NRG1: variants seen among roughly 807,000 people sequenced by gnomAD.
NRG1 encodes the protein neuregulin 1.
In NRG1, 18 loss-of-function variants were observed where a neutral mutation model predicts 63.8. The ratio of observed to expected loss-of-function variants is 0.28; its 90% CI spans 0.19 to 0.42. The LOEUF is 0.42. NRG1 is among the 10% of genes least tolerant of loss of function. The pLI, the probability that NRG1 is intolerant of heterozygous loss-of-function variation, is 1.00. For missense variants in NRG1, 762 were observed against 814.7 expected (o/e 0.94, Z 0.79); for synonymous variants, 302 against 301.3 (o/e 1.00, Z -0.02).
At chr8:31,748,515 C>A (rs1310601906) in intron 1 of NRG1, among the ~76,000 whole-genome samples, 1 of 151,866 alleles carries the variant, frequency 6.6e-6, no homozygotes, top group East Asian at 1.9e-4. Context: ...ATTTGGAATG[C>A]GTATAACCAT....
At chr8:31,928,416 A>T (rs2129619716) in intron 1 of NRG1, among the ~76,000 whole-genome samples, 1 of 151,738 alleles carries the variant, frequency 6.6e-6, no homozygotes, top group East Asian at 1.9e-4. Flanking sequence ...AAATTAGTAC[A>T]ATCTCTATGG....
At position 32,560,392 on chromosome 8, in the gene NRG1, G is replaced by A. The variant is rs886654635; in HGVS notation, c.100+11566G>A. Among the ~76,000 whole-genome samples, 3 of 152,144 alleles carry A rather than the reference G, an allele frequency of 2.0e-5. No homozygotes were observed. In the East Asian group the frequency reaches 5.8e-4, roughly 29 times the overall value. On this transcript the variant is annotated intron_variant, in intron 1 of 11. Coordinates refer to ENST00000356819, the Ensembl canonical transcript of NRG1. Reference sequence around the variant, plus strand: ...CATTTCACATCTCTAGAATGTAAAAGCCACAAAGTCATATCTGTCTTTTAT... The same window carrying A: ...CATTTCACATCTCTAGAATGTAAAAACCACAAAGTCATATCTGTCTTTTAT...
intron 1 of NRG1, among the ~76,000 whole-genome samples, chr8:32,388,822 T>G (rs1587296785): frequency 6.6e-6 from 1 of 152,036 alleles, no homozygotes; most frequent in Admixed American, 6.6e-5. Flanking sequence ...AAAGTTTTTT[T>G]TGGGGGGGAA....
chr8:32,100,001 A>G (rs2131348851), intron 1 of NRG1, among the ~76,000 whole-genome samples: 1 of 152,190 alleles, frequency 6.6e-6, no homozygotes, highest in East Asian at 1.9e-4. Flanking sequence ...AGGGAAGGAT[A>G]GCTGGGGGTG....
At chr8:32,448,498 C>T (rs541776402) in intron 1 of NRG1, among the ~76,000 whole-genome samples, 1 of 152,202 alleles carries the variant, frequency 6.6e-6, no homozygotes, top group African/African-American at 2.4e-5. Flanking sequence ...TTTTAGCTGG[C>T]CCGAGTCTGG....
chr8:31,790,407 C>A (rs1018243338), intron 1 of NRG1, among the ~76,000 whole-genome samples: 6 of 152,092 alleles, frequency 3.9e-5, no homozygotes, highest in Non-Finnish European at 5.9e-5. Context: ...CATCTCTAAA[C>A]CCTATCACAA....
chr8:32,615,474 GA>G (rs1388078372), intron 4 of NRG1, among the ~76,000 whole-genome samples: 1 of 152,036 alleles, frequency 6.6e-6, no homozygotes, highest in Non-Finnish European at 1.5e-5. Context: ...TTACAGATGA[GA>G]AAACTGAAGT....
intron 1 of NRG1, among the ~76,000 whole-genome samples, chr8:31,879,022 A>T (rs1460217346): frequency 6.6e-6 from 1 of 150,922 alleles, no homozygotes; most frequent in South Asian, 2.1e-4. Flanking sequence ...ACAAACAAAC[A>T]AAAAAAGGAA....
intron 5 of NRG1, among the ~76,000 whole-genome samples, chr8:32,687,249 G>A (rs1179844004): frequency 2.0e-5 from 3 of 152,150 alleles, no homozygotes; most frequent in Admixed American, 6.6e-5. Flanking sequence ...GGCAAACAAG[G>A]TTGTTCTGGT....
intron 1 of NRG1, among the ~76,000 whole-genome samples, chr8:31,658,422 G>A (rs891560888): frequency 3.3e-5 from 5 of 152,160 alleles, no homozygotes; most frequent in African/African-American, 1.2e-4. Context: ...AGTACCAGCT[G>A]AGATCATGTC....
At chr8:32,336,392 GT>G (rs1803270791) in intron 1 of NRG1, among the ~76,000 whole-genome samples, 1 of 152,082 alleles carries the variant, frequency 6.6e-6, no homozygotes, top group African/African-American at 2.4e-5. Context: ...TAGTGAGGTC[GT>G]TTCCAAAACC....
chr8:32,380,703 A>G (rs982065032), intron 1 of NRG1, among the ~76,000 whole-genome samples: 2 of 152,104 alleles, frequency 1.3e-5, no homozygotes, highest in Non-Finnish European at 2.9e-5. Flanking sequence ...TACTAACTCA[A>G]TCAGTATGCC....
chr8:31,859,121 T>C (rs1246389081), intron 1 of NRG1, among the ~76,000 whole-genome samples: 3 of 152,206 alleles, frequency 2.0e-5, no homozygotes, highest in Non-Finnish European at 4.4e-5. Context: ...TGATTTAAAA[T>C]TCATGATCTA....
chr8:31,838,786 T>C (rs540334111), intron 1 of NRG1, among the ~76,000 whole-genome samples: 1 of 152,278 alleles, frequency 6.6e-6, no homozygotes, highest in East Asian at 1.9e-4. Context: ...AGAAAAAAAA[T>C]ATTTTAGCAA....
At chr8:31,924,985 T>C (rs1037517751) in intron 1 of NRG1, among the ~76,000 whole-genome samples, 9 of 151,536 alleles carry the variant, frequency 5.9e-5, no homozygotes, top group Non-Finnish European at 1.3e-4. Flanking sequence ...ATTTTGGTGC[T>C]TTAAAATGAA....
At chr8:32,723,794 G>A (rs550772666) in intron 5 of NRG1, among the ~76,000 whole-genome samples, 121 of 151,044 alleles carry the variant, frequency 8.0e-4, no homozygotes, top group Admixed American at 1.8e-3. Flanking sequence ...AAAGAAAGAA[G>A]GGAGGGAGGG....
intron 1 of NRG1, among the ~76,000 whole-genome samples, chr8:32,505,106 C>A (rs1301999642): frequency 6.6e-6 from 1 of 152,020 alleles, no homozygotes; most frequent in Admixed American, 6.5e-5. Flanking sequence ...AGGGTTGCTG[C>A]GTATCATTGT....
At position 32,235,202 on chromosome 8, in the gene NRG1, T is replaced by TGG. The variant is rs563508014; in HGVS notation, c.38-360624_38-360623dup. On this transcript the variant is annotated intron_variant, in intron 1 of 10. Transcript: ENST00000519301. ...TGAGCCTAGGAGTTTGAGACCAGCC[T>TGG]GGGCAATATGATGAAACCTAATCTC... Among the ~76,000 whole-genome samples the TGG allele has an allele frequency of 3.5e-3, 402 of 115,858 alleles. 1 individual carries two copies. Among genetic ancestry groups the TGG allele is most frequent in the African/African-American group, 0.013 (382 of 29,048 alleles). The allele number at this position is 115,858 out of a possible 152,430, so 76.0% of individuals were successfully genotyped here. A position where few individuals can be genotyped will look rare whatever the true frequency, so the allele number is the denominator to read the frequency against.
At chr8:32,531,120 AAG>A (rs912985267) in intron 1 of NRG1, among the ~76,000 whole-genome samples, 1 of 151,992 alleles carries the variant, frequency 6.6e-6, no homozygotes, top group Non-Finnish European at 1.5e-5. Flanking sequence ...GAAAGAAAGA[AAG>A]AGAGACAGAG....
Sources: allele counts gnomAD v4.1 joint callset (sites outside exome capture counted in the v4.1 genomes callset), GRCh38; gene constraint gnomAD v4.1.1; transcripts MANE v1.5; gene names NCBI Gene and HGNC (gene_info 2026-07-23, HGNC 2026-07-21).